BLMH: variants seen among roughly 807,000 people sequenced by gnomAD.
BLMH encodes BLM hydrolase.
BLMH carries 32 observed loss-of-function variants against 61.6 expected under a neutral mutation model. The ratio of observed to expected loss-of-function variants is 0.52; its 90% CI spans 0.39 to 0.70. BLMH has a LOEUF of 0.70. Ranked by LOEUF, BLMH falls within the 30% of genes least tolerant of loss-of-function variation. The pLI is 0.00. For synonymous variants in BLMH, 183 were observed against 193.8 expected (o/e 0.94, Z 0.46); for missense variants, 460 against 555.5 (o/e 0.83, Z 1.73).
At chr17:30,257,662 G>C (rs1907852404) in intron 11 of BLMH, among the ~76,000 whole-genome samples, 1 of 152,134 alleles carries the variant, frequency 6.6e-6, no homozygotes, top group Admixed American at 6.5e-5. Flanking sequence ...AAAACCCTGT[G>C]AGGAGCTTAC....
intron 6 of BLMH, among the ~76,000 whole-genome samples, chr17:30,277,531 G>C (rs1908455393): frequency 6.6e-6 from 1 of 152,226 alleles, no homozygotes. Flanking sequence ...TCTACATGTA[G>C]TAGTGGAACC....
chr17:30,277,640 A>G (rs1908458302), intron 6 of BLMH, among the ~76,000 whole-genome samples: 1 of 152,258 alleles, frequency 6.6e-6, no homozygotes, highest in African/African-American at 2.4e-5. Context: ...TAAGATGAAG[A>G]TAACTAAGTG....
At chr17:30,278,121 C>T (rs1225960929) in intron 6 of BLMH, among the ~76,000 whole-genome samples, 2 of 152,082 alleles carry the variant, frequency 1.3e-5, no homozygotes, top group East Asian at 1.9e-4. Context: ...AAAAAAAATG[C>T]TCCAAAGAAT....
At chr17:30,269,287 C>T (rs1908200072) in intron 10 of BLMH, among the ~76,000 whole-genome samples, 1 of 149,710 alleles carries the variant, frequency 6.7e-6, no homozygotes, top group South Asian at 2.1e-4. Flanking sequence ...AAAGGATTCT[C>T]CTGCCTCAGC....
Position 30,248,907 on chromosome 17 carries a change from TGTCC to T in BLMH, c.*106_*109del. ...CTGGTGGAGACTGGAAATCTGACTG[TGTCC>T]TGTGGCAACACACAGTCCCTTGCAT... On this transcript the variant is annotated 3_prime_UTR_variant, in exon 12 of 12. Coordinates refer to ENST00000261714, the MANE Select transcript of BLMH (RefSeq NM_000386.4). 1 of 1,346,600 alleles carries T rather than the reference TGTCC, an allele frequency of 7.4e-7. No homozygotes were observed. Among genetic ancestry groups the T allele is most frequent in the Non-Finnish European group, 1.0e-6 (1 of 976,268 alleles). The allele number at this position is 1,346,600 out of a possible 1,614,324, so 83.4% of individuals were successfully genotyped here. A position where few individuals can be genotyped will look rare whatever the true frequency, so the allele number is the denominator to read the frequency against.
chr17:30,283,756 A>C (rs1908654737), intron 6 of BLMH, among the ~76,000 whole-genome samples: 1 of 152,006 alleles, frequency 6.6e-6, no homozygotes, highest in South Asian at 2.1e-4. Flanking sequence ...TCCTGACCTT[A>C]TGATCCGCCC....
At chr17:30,280,740 G>A (rs1339239616) in intron 6 of BLMH, among the ~76,000 whole-genome samples, 1 of 152,112 alleles carries the variant, frequency 6.6e-6, no homozygotes, top group Non-Finnish European at 1.5e-5. Context: ...GGCCTCCCAA[G>A]GCACTGGGAT....
intron 2 of BLMH, 152 bp downstream of exon 2, chr17:30,291,159 T>C (rs1354612763): frequency 7.4e-6 from 7 of 947,746 alleles, no homozygotes; most frequent in Admixed American, 2.8e-5. Context: ...ACATGGGTAA[T>C]GTTCTTAGAC....
chr17:30,287,617 T>G (rs1029466047), intron 4 of BLMH, among the ~76,000 whole-genome samples, 189 bp downstream of exon 4: 1 of 152,242 alleles, frequency 6.6e-6, no homozygotes, highest in Non-Finnish European at 1.5e-5. Flanking sequence ...AGTAGCTCTC[T>G]CCTTAATCCT....
chr17:30,286,077 T>A (rs1908720543), intron 5 of BLMH, among the ~76,000 whole-genome samples: 1 of 152,266 alleles, frequency 6.6e-6, no homozygotes, highest in East Asian at 1.9e-4. Context: ...ATCCCCAGCG[T>A]TTCCAGGGTG....
At chr17:30,260,812 G>A (rs1446915452) in intron 11 of BLMH, among the ~76,000 whole-genome samples, 1 of 152,144 alleles carries the variant, frequency 6.6e-6, no homozygotes, top group South Asian at 2.1e-4. Context: ...GAACCTGGGA[G>A]GCAGAGGTTG....
chr17:30,275,487 T>C (rs1422579836), intron 6 of BLMH, among the ~76,000 whole-genome samples: 2 of 152,026 alleles, frequency 1.3e-5, no homozygotes, highest in South Asian at 2.1e-4. Context: ...GGTGAAACCC[T>C]GTCTTTACTA....
At chr17:30,259,115 G>A (rs375123345) in intron 11 of BLMH, among the ~76,000 whole-genome samples, 49 of 152,098 alleles carry the variant, frequency 3.2e-4, no homozygotes, top group Middle Eastern at 3.2e-3. Flanking sequence ...GTGACTCTGC[G>A]CTTATTCTTG....
At chr17:30,288,627 A>G (rs918776854) in intron 3 of BLMH, among the ~76,000 whole-genome samples, 1 of 152,108 alleles carries the variant, frequency 6.6e-6, no homozygotes, top group African/African-American at 2.4e-5. Flanking sequence ...GATTACAGGC[A>G]TGAGCCACCA....
intron 6 of BLMH, among the ~76,000 whole-genome samples, chr17:30,275,624 T>G (rs1908401845): frequency 6.6e-6 from 1 of 151,902 alleles, no homozygotes; most frequent in African/African-American, 2.4e-5. Context: ...AGGCAGAGGT[T>G]GCAGTGAGCC....
chr17:30,249,159 C>T lies in BLMH; in HGVS notation c.1226G>A (p.Cys409Tyr). Reference protein sequence around the residue: ...GEDHGHKGYLCMTDEWFSEYV... With the variant: ...GEDHGHKGYLYMTDEWFSEYV... ...CTCAGAGAACCACTCATCTGTCATG[C>T]ACAGGTAACCTGGAGAAAAGAACAG... Residue 409 changes from cysteine to tyrosine, a missense_variant, in exon 12 of 12, where the codon TGC becomes TAC. Coordinates refer to ENST00000261714, the MANE Select transcript of BLMH (RefSeq NM_000386.4). 2 of 1,614,060 alleles carry T rather than the reference C, an allele frequency of 1.2e-6. No individual in the cohort carries two copies. The highest frequency in any genetic ancestry group is 1.7e-6 in the Non-Finnish European group (2 of 1,179,946).
intron 6 of BLMH, among the ~76,000 whole-genome samples, chr17:30,277,823 C>A (rs758591119): frequency 6.6e-6 from 1 of 152,172 alleles, no homozygotes; most frequent in Non-Finnish European, 1.5e-5. Flanking sequence ...TAAATGAATT[C>A]TATAGTGAGT....
At chr17:30,254,394 A>G (rs1209032986) in intron 11 of BLMH, among the ~76,000 whole-genome samples, 1 of 152,224 alleles carries the variant, frequency 6.6e-6, no homozygotes, top group Non-Finnish European at 1.5e-5. Context: ...CAGAAAGGAA[A>G]GCAGAAGCCT....
At chr17:30,277,134 G>GAA (rs1908445040) in intron 6 of BLMH, among the ~76,000 whole-genome samples, 1 of 152,190 alleles carries the variant, frequency 6.6e-6, no homozygotes, top group Admixed American at 6.6e-5. Flanking sequence ...TTCCAAGAGA[G>GAA]AACCTTCCTT....
Sources: allele counts gnomAD v4.1 joint callset (sites outside exome capture counted in the v4.1 genomes callset), GRCh38; gene constraint gnomAD v4.1.1; transcripts MANE v1.5; gene names NCBI Gene and HGNC (gene_info 2026-07-23, HGNC 2026-07-21).